The following CCDC30 variants were observed in gnomAD, a reference collection of about 807,000 sequenced individuals.
CCDC30 encodes the protein coiled-coil domain-containing protein 30.
A neutral mutation model predicts 100.2 loss-of-function variants in CCDC30; 70 were observed. The observed-to-expected ratio is 0.70, with a 90% CI of 0.58 to 0.85. The LOEUF is 0.85. Ranked by LOEUF, CCDC30 falls within the 40% of genes least tolerant of loss-of-function variation. CCDC30 has a pLI of 0.00. For missense variants in CCDC30, 652 were observed against 771.2 expected, an observed-to-expected ratio of 0.85 and a Z score of 1.83; for synonymous variants, 233 against 269.5, an observed-to-expected ratio of 0.86 and a Z score of 1.33.
intron 10 of CCDC30, chr1:42,593,079 A>G (rs1478654618): frequency 6.6e-6 from 1 of 152,198 alleles, no homozygotes; most frequent in Non-Finnish European, 1.5e-5. Context: ...CAAAAATGTA[A>G]GTCAGTCTGA....
At chr1:42,456,305 G>A in the CCDC30 span, 1 of 595,304 alleles carries the variant, frequency 1.7e-6, no homozygotes, top group East Asian at 2.9e-5. Context: ...TCTTCACCCA[G>A]GCTAGGAAAC....
chr1:42,463,373 C>T (rs1265111551), exon 1 of CCDC30: 1 of 152,244 alleles, frequency 6.6e-6, no homozygotes, highest in Admixed American at 6.5e-5. Flanking sequence ...GCGGCACCCT[C>T]CGCAGGAAAA....
At position 42,539,918 on chromosome 1, in the gene CCDC30, TAA is replaced by T. The variant is rs11286901; in HGVS notation, c.457-26364_457-26363del. Among the ~76,000 whole-genome samples the T allele has an allele frequency of 2.7e-3, 374 of 138,582 alleles. 1 individual carries two copies. The highest frequency in any genetic ancestry group is 6.7e-3 in the African/African-American group (253 of 37,808). The allele number at this position is 138,582 out of a possible 152,430, so 90.9% of individuals were successfully genotyped here. ...GGGCAGCACAGTGAGACCCCATCTC[TAA>T]AAAAAAAAAAAAAGAAAAGGCTACC... On this transcript the variant is annotated intron_variant, in intron 6 of 16. Transcript: ENST00000668663.
upstream of CCDC30, chr1:42,460,159 T>G (rs889630824): frequency 5.6e-6 from 7 of 1,248,922 alleles, no homozygotes; most frequent in African/African-American, 1.1e-4. Context: ...GAAGAGCTTA[T>G]TGGGAATTAT....
intron 9 of CCDC30, among the ~76,000 whole-genome samples, chr1:42,582,414 A>C (rs917258565): frequency 2.0e-5 from 3 of 152,192 alleles, no homozygotes; most frequent in Non-Finnish European, 2.9e-5. Context: ...ATATTTTTTA[A>C]GATTGGGAAA....
intron 6 of CCDC30, among the ~76,000 whole-genome samples, chr1:42,535,195 T>TA (rs1210221735): frequency 2.0e-5 from 3 of 152,162 alleles, no homozygotes; most frequent in Admixed American, 2.0e-4. Flanking sequence ...GTATTTAGGA[T>TA]AAACTGGTAT....
intron 4 of CCDC30, among the ~76,000 whole-genome samples, chr1:42,494,086 A>G (rs1457017408): frequency 1.3e-5 from 2 of 152,180 alleles, no homozygotes; most frequent in South Asian, 4.1e-4. Context: ...TGGAGGCATC[A>G]TGCTACCTGA....
At chr1:42,458,696 T>A (rs1231450122), upstream of CCDC30, among the ~76,000 whole-genome samples, 1 of 152,250 alleles carries the variant, frequency 6.6e-6, no homozygotes. Flanking sequence ...GATTTCACGC[T>A]TTTTAATCTC....
chr1:42,555,557 G>T (rs1417515466), intron 6 of CCDC30, among the ~76,000 whole-genome samples: 3 of 152,172 alleles, frequency 2.0e-5, no homozygotes, highest in Non-Finnish European at 2.9e-5. Context: ...ACCTGTGTCT[G>T]CTCAATGCCA....
At chr1:42,514,736 C>A (rs1225262475) in intron 6 of CCDC30, among the ~76,000 whole-genome samples, 4 of 152,220 alleles carry the variant, frequency 2.6e-5, no homozygotes, top group African/African-American at 9.6e-5. Flanking sequence ...TCACTGCAAC[C>A]TCAGCCTACC....
At chr1:42,636,192 G>A (rs371748822) in intron 11 of CCDC30, among the ~76,000 whole-genome samples, 29 of 152,266 alleles carry the variant, frequency 1.9e-4, no homozygotes, top group South Asian at 1.7e-3. Context: ...GGCTGAGGCA[G>A]GAGGATAGTT....
At chr1:42,633,925 C>T (rs757009907) in intron 11 of CCDC30, among the ~76,000 whole-genome samples, 4 of 152,122 alleles carry the variant, frequency 2.6e-5, no homozygotes, top group South Asian at 2.1e-4. Context: ...GAAGCAAACA[C>T]GTCCTTCACA....
At chr1:42,601,790 C>A (rs902606148) in intron 10 of CCDC30, among the ~76,000 whole-genome samples, 3 of 152,154 alleles carry the variant, frequency 2.0e-5, no homozygotes, top group Non-Finnish European at 4.4e-5. Flanking sequence ...CCCAAAGGAA[C>A]AACAGCAAAC....
Position 42,482,836 on chromosome 1 carries a change from G to T in CCDC30, c.169+20G>T. 8.1e-7 allele frequency: 1 copy of T among 1,229,178 alleles called. No homozygotes were observed. The highest frequency in any genetic ancestry group is 4.1e-5 in the South Asian group (1 of 24,238). 76.1% of individuals were successfully genotyped at this position (1,229,178 alleles called of 1,614,324 possible). On this transcript the variant is annotated intron_variant, in intron 3 of 16. Transcript: ENST00000668663. ...AATTAGGTAAGCTGTGGTTTCAGATGACCATTTCCGATCATGCTTTAACTG... is the reference window on the plus strand; with the variant it reads ...AATTAGGTAAGCTGTGGTTTCAGATTACCATTTCCGATCATGCTTTAACTG...
intron 6 of CCDC30, among the ~76,000 whole-genome samples, chr1:42,554,381 G>A (rs1645324611): frequency 6.6e-6 from 1 of 151,112 alleles, no homozygotes; most frequent in Non-Finnish European, 1.5e-5. Context: ...AGGTCCAAGA[G>A]ATTCTCCTGC....
At chr1:42,647,567 C>A (rs1308695514) in intron 15 of CCDC30, among the ~76,000 whole-genome samples, 1 of 152,212 alleles carries the variant, frequency 6.6e-6, no homozygotes, top group African/African-American at 2.4e-5. Flanking sequence ...TTAAACTACA[C>A]ACTAGACCTA....
intron 6 of CCDC30, among the ~76,000 whole-genome samples, chr1:42,539,892 T>C: frequency 6.7e-6 from 1 of 150,144 alleles, no homozygotes; most frequent in Admixed American, 6.7e-5. Flanking sequence ...CATTTCAGCC[T>C]GGGCAGCACA....
At position 42,596,291 on chromosome 1, in the gene CCDC30, C is replaced by T. The variant is rs1646285864; in HGVS notation, c.1164+6808C>T. Among the ~76,000 whole-genome samples, 1 of 152,134 alleles carries T rather than the reference C, an allele frequency of 6.6e-6. No homozygotes were observed. The highest frequency in any genetic ancestry group is 1.5e-5 in the Non-Finnish European group (1 of 68,010). On this transcript the variant is annotated intron_variant, in intron 10 of 16. Coordinates refer to ENST00000668663, the Ensembl canonical transcript of CCDC30. The surrounding 1 kb of genome is among the most constrained non-coding windows in gnomAD (Gnocchi z 4.3). ...GACTTAGACACATTTGTGAGTTTTA[C>T]CTCCTGTAGCATACCAGGTTCTTGT...
intron 11 of CCDC30, among the ~76,000 whole-genome samples, chr1:42,624,459 A>G (rs72967276): frequency 0.015 from 2,224 of 152,184 alleles, 48 homozygotes; most frequent in African/African-American, 0.048. Flanking sequence ...TTAATGTATT[A>G]TCGAATTCCA....
Sources: gnomAD v4.1 joint callset for allele counts (sites outside exome capture counted in the v4.1 genomes callset) on GRCh38, gnomAD v4.1.1 for gene constraint, Gnocchi (gnomAD v3.1) non-coding constraint, MANE v1.5 for transcripts, NCBI Gene and HGNC (gene_info 2026-07-23, HGNC 2026-07-21) for gene names.